TYW1: variants seen among roughly 807,000 people sequenced by gnomAD.
TYW1 encodes tRNA-yW synthesizing protein 1 homolog, also known as S-adenosyl-L-methionine-dependent tRNA 4-demethylwyosine synthase TYW1.
A neutral mutation model predicts 96.2 loss-of-function variants in TYW1; 46 were observed. That is an observed-to-expected ratio of 0.48 (90% CI 0.38 to 0.61). The LOEUF is 0.61. TYW1 is among the 20% of genes least tolerant of loss of function. The probability of loss-of-function intolerance (pLI) is 0.00; values close to 1 mark genes in which losing one functional copy is unlikely to be tolerated. For synonymous variants in TYW1, 274 were observed against 323.0 expected, an observed-to-expected ratio of 0.85 and a Z score of 1.63; for missense variants, 684 against 909.6, an observed-to-expected ratio of 0.75 and a Z score of 3.19.
chr7:67,048,918 G>A (rs1290430820), intron 7 of TYW1, among the ~76,000 whole-genome samples: 1 of 152,240 alleles, frequency 6.6e-6, no homozygotes, highest in Non-Finnish European at 1.5e-5. Context: ...GGAGGCTGAG[G>A]CATGAGAATT....
intron 8 of TYW1, among the ~76,000 whole-genome samples, chr7:67,053,968 A>T (rs576295633): frequency 6.6e-6 from 1 of 152,166 alleles, no homozygotes; most frequent in South Asian, 2.1e-4. Context: ...TCGCTTGGGT[A>T]GTCTCTCTTT....
intron 15 of TYW1, among the ~76,000 whole-genome samples, chr7:67,197,953 A>G (rs1218709775): frequency 2.1e-5 from 2 of 93,100 alleles, no homozygotes; most frequent in Non-Finnish European, 4.3e-5. Flanking sequence ...TCCCTTCCCT[A>G]CCCCTGCCCC....
intron 13 of TYW1, among the ~76,000 whole-genome samples, chr7:67,165,757 G>A (rs1476608348): frequency 2.0e-5 from 3 of 151,686 alleles, no homozygotes; most frequent in Admixed American, 6.6e-5. Flanking sequence ...GCAAAACCTC[G>A]TCTCTACAAA....
At position 67,062,350 on chromosome 7, in the gene TYW1, A is replaced by G. The variant is rs563907247; in HGVS notation, c.1156-4935A>G. 1.8e-4 allele frequency among the ~76,000 whole-genome samples: 27 copies of G among 152,168 alleles called. 1 individual carries two copies. In the East Asian group the frequency reaches 5.2e-3, roughly 29 times the overall value. ...CTCAAACCCGGGAGGCGGAGGTTGCAGTGAGCCAAGATTGCACCACTGCAC... is the reference window on the plus strand; with the variant it reads ...CTCAAACCCGGGAGGCGGAGGTTGCGGTGAGCCAAGATTGCACCACTGCAC... On this transcript the variant is annotated intron_variant, in intron 9 of 15. Transcript: ENST00000359626.
At chr7:67,041,836 C>T (rs997515143) in intron 7 of TYW1, among the ~76,000 whole-genome samples, 4 of 151,860 alleles carry the variant, frequency 2.6e-5, no homozygotes, top group African/African-American at 7.3e-5. Context: ...TTATTTTACC[C>T]CTCTGTGCTT....
chr7:67,046,467 T>G (rs1455143367), intron 7 of TYW1, among the ~76,000 whole-genome samples: 1 of 152,176 alleles, frequency 6.6e-6, no homozygotes, highest in Non-Finnish European at 1.5e-5. Context: ...GCCACTCATC[T>G]TTAAATGGGA....
intron 13 of TYW1, among the ~76,000 whole-genome samples, chr7:67,118,878 GAAAAAAAAAAAAAAAA>G (rs60194362): frequency 2.8e-5 from 2 of 72,242 alleles, no homozygotes; most frequent in Non-Finnish European, 6.3e-5. Flanking sequence ...ACCCCTATCT[GAAAAAAAAAAAAAAAA>G]AAAAAAAAAA....
rs1801046303 is a variant in TYW1 at position 67,211,981 on chromosome 7, T to A, written c.1977+16644T>A. Among the ~76,000 whole-genome samples the A allele has an allele frequency of 3.9e-5, 6 of 152,226 alleles. No individual in the cohort carries two copies. The South Asian group carries it at 1.2e-3, about 31-fold the overall frequency. ...CTCCTAACTTCTGCATTTAAAAAAA[T>A]TTGCATACATTAAGATTCAGCATTT... On this transcript the variant is annotated intron_variant, in intron 15 of 15. Transcript: ENST00000359626.
At chr7:67,079,630 G>C (rs1453774700) in intron 10 of TYW1, among the ~76,000 whole-genome samples, 1 of 151,540 alleles carries the variant, frequency 6.6e-6, no homozygotes, top group Non-Finnish European at 1.5e-5. Flanking sequence ...TTCTGTTCTA[G>C]TAATTTTGGG....
intron 3 of TYW1, among the ~76,000 whole-genome samples, chr7:67,004,636 C>T (rs1324717606): frequency 1.3e-5 from 2 of 152,158 alleles, no homozygotes; most frequent in Non-Finnish European, 2.9e-5. Context: ...TCCTTAAGGA[C>T]CTCTTGTAAG....
intron 15 of TYW1, among the ~76,000 whole-genome samples, chr7:67,233,947 C>T (rs2421386): frequency 1.5e-5 from 2 of 135,508 alleles, no homozygotes; most frequent in Non-Finnish European, 3.2e-5. Context: ...GAGGTCCTAA[C>T]TCCCAGCGTG....
intron 11 of TYW1, among the ~76,000 whole-genome samples, chr7:67,089,054 T>A (rs2115804753): frequency 6.6e-6 from 1 of 152,350 alleles, no homozygotes; most frequent in South Asian, 2.1e-4. Flanking sequence ...GGAGGTCCAC[T>A]CTTAGCTCAT....
chr7:67,041,072 C>G (rs1300752953), intron 7 of TYW1, among the ~76,000 whole-genome samples: 1 of 152,028 alleles, frequency 6.6e-6, no homozygotes, highest in Non-Finnish European at 1.5e-5. Flanking sequence ...TCAGATTTCT[C>G]ATAAAAATCT....
intron 7 of TYW1, among the ~76,000 whole-genome samples, chr7:67,038,302 A>C (rs1040604942): frequency 6.8e-6 from 1 of 147,900 alleles, no homozygotes; most frequent in African/African-American, 2.5e-5. Context: ...GACTGTCTCA[A>C]AATAAATTCA....
intron 9 of TYW1, among the ~76,000 whole-genome samples, chr7:67,065,237 C>T (rs543916689): frequency 8.1e-4 from 124 of 152,280 alleles, no homozygotes; most frequent in African/African-American, 2.9e-3. Flanking sequence ...GACGGTAGTT[C>T]TGTCAGATTT....
rs187613506 is a variant in TYW1, at chr7:67,170,267, T to A, written c.1699-12859T>A. ...GTGTATGGGTTTTATTTGTGGACTGTCCAGTTCTGTTCCATTGATCTTCAG... is the reference window on the plus strand; with the variant it reads ...GTGTATGGGTTTTATTTGTGGACTGACCAGTTCTGTTCCATTGATCTTCAG... On this transcript the variant is annotated intron_variant, in intron 13 of 15. Coordinates refer to ENST00000359626, the MANE Select transcript of TYW1 (RefSeq NM_018264.4). Among the ~76,000 whole-genome samples the A allele has an allele frequency of 2.8e-3, 431 of 152,354 alleles. 4 individuals carry two copies. Among genetic ancestry groups the A allele is most frequent in the Non-Finnish European group, 4.3e-3 (295 of 68,024 alleles).
intron 15 of TYW1, among the ~76,000 whole-genome samples, chr7:67,228,807 G>A (rs1193620559): frequency 1.3e-5 from 2 of 152,216 alleles, no homozygotes; most frequent in Non-Finnish European, 2.9e-5. Flanking sequence ...TTGAGACAGT[G>A]GCTGGGGGCC....
intron 15 of TYW1, among the ~76,000 whole-genome samples, chr7:67,197,952 T>C (rs10253999): frequency 0.58 from 72,102 of 124,346 alleles, 20,686 homozygotes; most frequent in Middle Eastern, 0.71. Context: ...CTCCCTTCCC[T>C]ACCCCTGCCC....
At chr7:67,170,797 G>A (rs1799492297) in intron 13 of TYW1, among the ~76,000 whole-genome samples, 2 of 152,056 alleles carry the variant, frequency 1.3e-5, no homozygotes, top group African/African-American at 4.8e-5. Flanking sequence ...AATCCCACTT[G>A]GTAATAATGT....
Sources: gnomAD v4.1 joint callset for allele counts (sites outside exome capture counted in the v4.1 genomes callset) on GRCh38, gnomAD v4.1.1 for gene constraint, MANE v1.5 for transcripts, NCBI Gene and HGNC (gene_info 2026-07-23, HGNC 2026-07-21) for gene names.